Variants in SYNE1 observed in about 807,000 individuals in gnomAD.
SYNE1 encodes the protein nesprin-1.
A neutral mutation model predicts 1,111.0 loss-of-function variants in SYNE1; 616 were observed. The ratio of observed to expected loss-of-function variants is 0.55; its 90% CI spans 0.52 to 0.59. The LOEUF (loss-of-function observed/expected upper bound fraction) is 0.59, where lower values mean the gene tolerates loss of function less well. SYNE1 is among the 20% of genes least tolerant of loss of function. The probability of loss-of-function intolerance (pLI) is 0.00; values close to 1 mark genes in which losing one functional copy is unlikely to be tolerated. For synonymous variants in SYNE1, 3,855 were observed against 3,825.8 expected (o/e 1.01, Z -0.28); for missense variants, 10,006 against 10,417.0 (o/e 0.96, Z 1.72).
At chr6:152,426,612 G>A (rs1488868697) in intron 38 of SYNE1, among the ~76,000 whole-genome samples, 1 of 152,234 alleles carries the variant, frequency 6.6e-6, no homozygotes, top group East Asian at 1.9e-4. Flanking sequence ...TCATTTATAA[G>A]GAAAAGAGCT....
At chr6:152,515,194 C>T (rs1467109781) in intron 6 of SYNE1, among the ~76,000 whole-genome samples, 8 of 150,476 alleles carry the variant, frequency 5.3e-5, no homozygotes, top group Admixed American at 5.3e-4. Flanking sequence ...TGCACTCCAG[C>T]CTGGGTGACA....
At position 152,368,959 on chromosome 6, in the gene SYNE1, T is replaced by G. The variant is rs2097131847; in HGVS notation, c.9807+13A>C. 6.2e-7 allele frequency: 1 copy of G among 1,614,038 alleles called. No individual in the cohort carries two copies. The highest frequency in any genetic ancestry group is 8.5e-7 in the Non-Finnish European group (1 of 1,180,034). On this transcript the variant is annotated intron_variant, in intron 61 of 145. Coordinates refer to ENST00000367255, the MANE Select transcript of SYNE1 (RefSeq NM_182961.4). ...CAGTATCACACTCACACACAGCACG[T>G]GCCAGGCGTTACCTTTGTTAAATTG...
At chr6:152,146,262 T>C (rs2059498497) in intron 137 of SYNE1, 1 of 152,690 alleles carries the variant, frequency 6.5e-6, no homozygotes, top group African/African-American at 2.4e-5. Context: ...AGCAGCGCTG[T>C]CCCATATATT....
At chr6:152,338,336 T>A (rs939001390) in intron 75 of SYNE1, among the ~76,000 whole-genome samples, 5 of 151,870 alleles carry the variant, frequency 3.3e-5, no homozygotes, top group Non-Finnish European at 7.4e-5. Context: ...TAAACTCAAG[T>A]GTGGGCCAGG....
intron 21 of SYNE1, among the ~76,000 whole-genome samples, chr6:152,461,242 C>G (rs550494004): frequency 1.4e-4 from 22 of 152,022 alleles, no homozygotes; most frequent in Non-Finnish European, 2.6e-4. Flanking sequence ...CAAATCTTAA[C>G]CAATTCTCAT....
intron 129 of SYNE1, among the ~76,000 whole-genome samples, chr6:152,177,000 A>G (rs1437873523): frequency 1.3e-5 from 2 of 152,178 alleles, no homozygotes; most frequent in African/African-American, 4.8e-5. Context: ...CAATTGATAT[A>G]TAGGTATATA....
intron 3 of SYNE1, among the ~76,000 whole-genome samples, chr6:152,551,149 T>A (rs1233757331): frequency 6.6e-6 from 1 of 152,208 alleles, no homozygotes. Flanking sequence ...AGTAAAGTAA[T>A]GAAAATACCT....
At chr6:152,369,250 T>C (rs2097137020) in intron 60 of SYNE1, 123 bp from the exon 61 acceptor site, 2 of 1,393,794 alleles carry the variant, frequency 1.4e-6, no homozygotes, top group East Asian at 4.9e-5. Context: ...GAGGCTTTAT[T>C]ATCTCCAATC....
chr6:152,334,389 A>T (rs2096329445), intron 76 of SYNE1, 116 bp from the exon 77 acceptor site: 1 of 1,150,518 alleles, frequency 8.7e-7, no homozygotes, highest in Non-Finnish European at 1.2e-6. Flanking sequence ...TATGAAAAAA[A>T]CTGAAGAATG....
At chr6:152,192,314 G>GA (rs61553328) in intron 127 of SYNE1, among the ~76,000 whole-genome samples, 1 of 151,678 alleles carries the variant, frequency 6.6e-6, no homozygotes, top group Admixed American at 6.6e-5. Context: ...TTTTCTGTCT[G>GA]GATGATCTCT....
Position 152,156,037 on chromosome 6 carries a change from C to G in SYNE1, c.23851G>C (p.Glu7951Gln). 1 of 1,614,182 alleles carries G rather than the reference C, an allele frequency of 6.2e-7. No individual in the cohort carries two copies. The highest frequency in any genetic ancestry group is 8.5e-7 in the Non-Finnish European group (1 of 1,180,038). The change falls in exon 132 of 146, where the codon GAA (glutamate) becomes CAA (glutamine). Residue 7951 changes from glutamate to glutamine, a missense_variant. Coordinates refer to ENST00000367255, the MANE Select transcript of SYNE1 (RefSeq NM_182961.4). ...TGVASVLNLCEVLLHDCDACA... is the reference protein window; with the variant it reads ...TGVASVLNLCQVLLHDCDACA... ...GCGTCACAGTCGTGCAGCAGGACTT[C>G]ACACAGGTTGAGGACAGATGCAACA...
At chr6:152,557,801 T>C (rs2099374397) in intron 3 of SYNE1, among the ~76,000 whole-genome samples, 1 of 152,122 alleles carries the variant, frequency 6.6e-6, no homozygotes. Flanking sequence ...AGAACTACCT[T>C]ACAAAAAATT....
At chr6:152,385,908 G>A (rs1440721663) in intron 54 of SYNE1, 70 bp from the exon 55 acceptor site, 1 of 1,449,336 alleles carries the variant, frequency 6.9e-7, no homozygotes, top group Middle Eastern at 1.8e-4. Flanking sequence ...AAGACAACAG[G>A]CCTGATAGAG....
Position 152,334,257 on chromosome 6 carries a change from A to G in SYNE1, c.12545T>C (p.Leu4182Pro). The G allele has an allele frequency of 1.2e-6, 2 of 1,613,808 alleles. No individual in the cohort carries two copies. The highest frequency in any genetic ancestry group is 1.7e-6 in the Non-Finnish European group (2 of 1,180,014). ...GTTCACGGATGCCTGTTTGCTCTGTAGTTTCTTAACAAAATCCTAAAGGAT... is the reference window on the plus strand; with the variant it reads ...GTTCACGGATGCCTGTTTGCTCTGTGGTTTCTTAACAAAATCCTAAAGGAT... ...VSQVKDFVKKLQSKQASVNTI... is the reference protein window; with the variant it reads ...VSQVKDFVKKPQSKQASVNTI... Residue 4182 changes from leucine (L) to proline (P), a missense_variant, in exon 77 of 146, where the codon CTA becomes CCA. This residue lies in a region of SYNE1 where 4,955 missense variants were observed against 5,017.2 expected (regional missense o/e 0.99). Coordinates refer to ENST00000367255, the MANE Select transcript of SYNE1 (RefSeq NM_182961.4).
intron 15 of SYNE1, chr6:152,472,063 C>T (rs370099386): frequency 1.7e-6 from 1 of 597,528 alleles, no homozygotes. Flanking sequence ...AAAAATACAG[C>T]CTCTGAAGAA....
intron 3 of SYNE1, among the ~76,000 whole-genome samples, chr6:152,595,703 A>T (rs1345678550): frequency 6.6e-6 from 1 of 152,278 alleles, no homozygotes; most frequent in African/African-American, 2.4e-5. Context: ...GGGAAAATGC[A>T]ATTGGCTCTA....
chr6:152,584,816 T>C (rs1417747070), intron 3 of SYNE1, among the ~76,000 whole-genome samples: 1 of 152,236 alleles, frequency 6.6e-6, no homozygotes, highest in African/African-American at 2.4e-5. Flanking sequence ...AATGTATACA[T>C]GCTTCTGCAT....
intron 98 of SYNE1, among the ~76,000 whole-genome samples, chr6:152,269,998 C>T (rs1340241781): frequency 6.6e-6 from 1 of 152,132 alleles, no homozygotes; most frequent in African/African-American, 2.4e-5. Context: ...CAGGTCTTGA[C>T]CTCTATGTCA....
chr6:152,249,963 T>C (rs1315948617), intron 104 of SYNE1, among the ~76,000 whole-genome samples: 1 of 152,162 alleles, frequency 6.6e-6, no homozygotes, highest in Middle Eastern at 3.2e-3. Flanking sequence ...ATTAGAAGAA[T>C]ATTTAAATTA....
Sources: allele counts gnomAD v4.1 joint callset (sites outside exome capture counted in the v4.1 genomes callset), GRCh38; gene constraint gnomAD v4.1.1; regional missense constraint gnomAD v4.1.1; transcripts MANE v1.5; gene names NCBI Gene and HGNC (gene_info 2026-07-23, HGNC 2026-07-21).